XDH: variants seen among roughly 807,000 people sequenced by gnomAD.
The protein encoded by XDH is xanthine dehydrogenase/oxidase.
In XDH, 138 loss-of-function variants were observed where a neutral mutation model predicts 156.1. The ratio of observed to expected loss-of-function variants is 0.88; its 90% CI spans 0.77 to 1.02. The LOEUF is 1.02. Ranked by LOEUF, XDH falls within the 50% of genes least tolerant of loss-of-function variation. XDH has a pLI of 0.00. For missense variants in XDH, 1,849 were observed against 1,684.9 expected, an observed-to-expected ratio of 1.10 and a Z score of -1.71; for synonymous variants, 669 against 625.7, an observed-to-expected ratio of 1.07 and a Z score of -1.03.
In XDH at chr2:31,398,704, A is replaced by C. The variant is rs1386734783; in HGVS notation, c.307-5T>G. The C allele has an allele frequency of 6.2e-7, 1 of 1,613,436 alleles. No homozygotes were observed. The highest frequency in any genetic ancestry group is 8.5e-7 in the Non-Finnish European group (1 of 1,179,518). On this transcript the variant is annotated splice_polypyrimidine_tract_variant and splice_region_variant and intron_variant, in intron 4 of 35. Transcript: ENST00000379416. ...GTGGCTTTTGGCAATTCTCTCCTAA[A>C]AGATACAGATGACATAGACACCTGG...
intron 16 of XDH, 105 bp downstream of exon 16, chr2:31,373,768 G>A: frequency 1.8e-6 from 2 of 1,104,136 alleles, no homozygotes; most frequent in Non-Finnish European, 2.7e-6. Context: ...GAGTTTTATG[G>A]ACCTATATAC....
chr2:31,380,601 T>C (rs1397663400), intron 12 of XDH, among the ~76,000 whole-genome samples: 1 of 152,240 alleles, frequency 6.6e-6, no homozygotes, highest in Non-Finnish European at 1.5e-5. Context: ...TCACAACTTA[T>C]TGCTGGAGGA....
At position 31,348,878 on chromosome 2, in the gene XDH, A is replaced by G. The variant is rs773277213; in HGVS notation, c.3051+21T>C. ...GGGTCCCAGTCCAGCGGAGATGGAC[A>G]CAATTCTATAAAGCAATTACCTGAT... On this transcript the variant is annotated intron_variant, in intron 27 of 35. Coordinates refer to ENST00000379416, the MANE Select transcript of XDH (RefSeq NM_000379.4). 7.5e-6 allele frequency: 12 copies of G among 1,605,380 alleles called. No individual in the cohort carries two copies. The South Asian group carries it at 1.3e-4, about 18-fold the overall frequency.
chr2:31,367,335 T>G (rs1685943258), intron 20 of XDH, among the ~76,000 whole-genome samples: 1 of 152,150 alleles, frequency 6.6e-6, no homozygotes, highest in South Asian at 2.1e-4. Context: ...TTAATAGATG[T>G]GATTGAAACA....
intron 15 of XDH, 70 bp from the exon 16 acceptor site, chr2:31,374,026 T>C: frequency 6.8e-7 from 1 of 1,478,900 alleles, no homozygotes; most frequent in Non-Finnish European, 9.3e-7. Context: ...TGCTTGTCCA[T>C]AAAAATGACC....
At chr2:31,406,459 C>T (rs1174526394) in intron 1 of XDH, among the ~76,000 whole-genome samples, 1 of 152,184 alleles carries the variant, frequency 6.6e-6, no homozygotes, top group Non-Finnish European at 1.5e-5. Flanking sequence ...TATAGCAATG[C>T]ATGAATGGCC....
Position 31,364,206 on chromosome 2 carries a change from C to G in XDH, c.2583G>C (p.Glu861Asp). Residue 861 changes from glutamate to aspartate, a missense_variant, in exon 24 of 36, where the codon GAG becomes GAC. Transcript: ENST00000379416. ...FMKTGTVVAL[E>D]VDHFSNVGNT... is the part of the protein sequence containing the mutation. ...TCCCCACATTGCTGAAGTGGTCCAC[C>G]TCAAGAGCCACAACTGTCCCAGTCT... 1 of 1,614,124 alleles carries G rather than the reference C, an allele frequency of 6.2e-7. No homozygotes were observed.
intron 18 of XDH, among the ~76,000 whole-genome samples, chr2:31,370,018 T>C (rs1177479855): frequency 6.6e-6 from 1 of 152,270 alleles, no homozygotes; most frequent in Non-Finnish European, 1.5e-5. Context: ...TTGTGATTTC[T>C]AGTTAGTGTA....
chr2:31,380,945 T>C (rs1373007632), intron 12 of XDH, among the ~76,000 whole-genome samples: 1 of 152,194 alleles, frequency 6.6e-6, no homozygotes, highest in African/African-American at 2.4e-5. Context: ...TGAGTATTTA[T>C]TCCTTTTGTT....
intron 11 of XDH, among the ~76,000 whole-genome samples, chr2:31,382,740 G>T (rs45536635): frequency 7.9e-5 from 12 of 152,136 alleles, no homozygotes; most frequent in African/African-American, 2.9e-4. Context: ...CCTATGAGTC[G>T]TGGAGTGCAT....
At chr2:31,386,235 T>TTTTCTGAGGTCACACATCCTGCAA (rs1686589134) in intron 9 of XDH, among the ~76,000 whole-genome samples, 179 bp downstream of exon 9, 2 of 152,190 alleles carry the variant, frequency 1.3e-5, no homozygotes, top group Non-Finnish European at 2.9e-5. Flanking sequence ...ACTCCACAGC[T>TTTTCTGAGGTCACACATCCTGCAA]AGGGGCCTTT....
At chr2:31,351,387 C>T (rs1685476226) in intron 24 of XDH, among the ~76,000 whole-genome samples, 1 of 152,172 alleles carries the variant, frequency 6.6e-6, no homozygotes, top group South Asian at 2.1e-4. Context: ...TTCTCTTTTC[C>T]CTCCTGAGCT....
Position 31,339,512 on chromosome 2 carries a change from T to G in XDH, c.3751A>C (p.Lys1251Gln). Residue 1251 changes from lysine (K) to glutamine (Q), a missense_variant, in exon 34 of 36, where the codon AAG becomes CAG. By Grantham distance (53) the Lys-to-Gln change is moderately conservative. Coordinates refer to ENST00000379416, the MANE Select transcript of XDH (RefSeq NM_000379.4). ...RVSLLRDCPN[K>Q]KAIYASKAVG... ...ACCTTCGATGCATAGATGGCCTTCT[T>G]GTTGGGGCAGTCGCGGAGCAGGGAC... 1 of 1,614,142 alleles carries G rather than the reference T, an allele frequency of 6.2e-7. No individual in the cohort carries two copies. Among genetic ancestry groups the G allele is most frequent in the Non-Finnish European group, 8.5e-7 (1 of 1,180,034 alleles).
intron 6 of XDH, among the ~76,000 whole-genome samples, chr2:31,394,275 G>A (rs1686846365): frequency 6.6e-6 from 1 of 151,982 alleles, no homozygotes; most frequent in African/African-American, 2.4e-5. Context: ...CGCTTTTGAA[G>A]GATACTTACG....
chr2:31,388,118 C>T, intron 7 of XDH, 109 bp downstream of exon 7: 1 of 1,297,878 alleles, frequency 7.7e-7, no homozygotes, highest in Non-Finnish European at 1.1e-6. Context: ...CACCGACTCA[C>T]CGTAGGTTCC....
chr2:31,369,885 G>A (rs2148770276), intron 18 of XDH, among the ~76,000 whole-genome samples: 1 of 152,210 alleles, frequency 6.6e-6, no homozygotes, highest in South Asian at 2.1e-4. Flanking sequence ...AAAATATAAG[G>A]ACTTTTGTAG....
In XDH at chr2:31,379,971, T is replaced by C; in HGVS notation, c.1138A>G (p.Arg380Gly). The C allele has an allele frequency of 6.2e-7, 1 of 1,613,960 alleles. No individual in the cohort carries two copies. The highest frequency in any genetic ancestry group is 8.5e-7 in the Non-Finnish European group (1 of 1,180,020). ...GTGTGGTCCATCTGGACAGTTCTCC[T>C]GGTGCCTGTACAGAAGCAAGATGAA... ...AKLTLVSRGTRRTVQMDHTFF... is the reference protein window; with the variant it reads ...AKLTLVSRGTGRTVQMDHTFF... The change falls in exon 13 of 36, where the codon AGG becomes GGG. Residue 380 changes from arginine (R) to glycine (G), a missense_variant. Coordinates refer to ENST00000379416, the MANE Select transcript of XDH (RefSeq NM_000379.4).
At chr2:31,373,709 T>C (rs1686143179) in intron 16 of XDH, among the ~76,000 whole-genome samples, 164 bp downstream of exon 16, 2 of 152,146 alleles carry the variant, frequency 1.3e-5, no homozygotes. Flanking sequence ...GACATTAACA[T>C]CTATACGATT....
chr2:31,407,939 T>A (rs1346184585), intron 1 of XDH, among the ~76,000 whole-genome samples: 5 of 152,160 alleles, frequency 3.3e-5, no homozygotes, highest in African/African-American at 1.2e-4. Context: ...GCAATCTTTA[T>A]CACCTTTCTT....
Sources: gnomAD v4.1 joint callset for allele counts (sites outside exome capture counted in the v4.1 genomes callset) on GRCh38, gnomAD v4.1.1 for gene constraint, MANE v1.5 for transcripts, NCBI Gene and HGNC (gene_info 2026-07-23, HGNC 2026-07-21) for gene names.